Variants in FAP observed in about 807,000 individuals in gnomAD.
FAP encodes fibroblast activation protein alpha.
A neutral mutation model predicts 126.5 loss-of-function variants in FAP; 110 were observed. The ratio of observed to expected loss-of-function variants is 0.87; its 90% confidence interval spans 0.74 to 1.02. The LOEUF (loss-of-function observed/expected upper bound fraction) is 1.02. Ranked by LOEUF, FAP falls within the 50% of genes least tolerant of loss-of-function variation. FAP has a pLI of 0.00. For synonymous variants in FAP, 334 were observed against 297.3 expected, an observed-to-expected ratio of 1.12 and a Z score of -1.27; for missense variants, 919 against 909.2, an observed-to-expected ratio of 1.01 and a Z score of -0.14.
intron 2 of FAP, among the ~76,000 whole-genome samples, chr2:162,239,001 A>G (rs952383654): frequency 3.3e-5 from 5 of 152,168 alleles, no homozygotes; most frequent in African/African-American, 1.2e-4. Context: ...ATCACTACAT[A>G]TTATATATAT....
intron 9 of FAP, among the ~76,000 whole-genome samples, chr2:162,216,581 G>A (rs536355021): frequency 6.6e-6 from 1 of 152,194 alleles, no homozygotes; most frequent in East Asian, 1.9e-4. Context: ...TTCTTGTTTT[G>A]TGCTTTCTAT....
At chr2:162,215,362 T>C (rs1325906089) in intron 10 of FAP, among the ~76,000 whole-genome samples, 1 of 152,220 alleles carries the variant, frequency 6.6e-6, no homozygotes, top group Non-Finnish European at 1.5e-5. Context: ...CACTGTATTC[T>C]GGACTAGTCA....
chr2:162,242,587 G>A (rs1359571403), intron 2 of FAP, among the ~76,000 whole-genome samples: 1 of 152,058 alleles, frequency 6.6e-6, no homozygotes, highest in Non-Finnish European at 1.5e-5. Flanking sequence ...AGCAATGTTA[G>A]TTAAAAATGT....
intron 2 of FAP, among the ~76,000 whole-genome samples, chr2:162,234,997 G>A (rs564557807): frequency 3.9e-5 from 6 of 152,126 alleles, no homozygotes; most frequent in African/African-American, 9.7e-5. Context: ...CAGCAGCTGC[G>A]GAGGGCGAAC....
At position 162,219,838 on chromosome 2, in the gene FAP, A is replaced by C. The variant is rs1258483125; in HGVS notation, c.486+15T>G. The C allele has an allele frequency of 6.3e-7, 1 of 1,584,496 alleles. No homozygotes were observed. Among genetic ancestry groups the C allele is most frequent in the Non-Finnish European group, 8.7e-7 (1 of 1,155,234 alleles). ...TATTTACATGATTAAACACTTCAAA[A>C]ATTTAAACACTTACTAATTTACTCC... On this transcript the variant is annotated intron_variant, in intron 7 of 25. Transcript: ENST00000188790.
intron 9 of FAP, among the ~76,000 whole-genome samples, chr2:162,217,605 C>T (rs1350836397): frequency 6.6e-6 from 1 of 152,104 alleles, no homozygotes; most frequent in African/African-American, 2.4e-5. Flanking sequence ...ACATCAAATT[C>T]AGCATTTGTA....
intron 17 of FAP, among the ~76,000 whole-genome samples, chr2:162,192,086 T>C (rs536429178): frequency 6.6e-6 from 1 of 152,144 alleles, no homozygotes; most frequent in Non-Finnish European, 1.5e-5. Flanking sequence ...CATACTCAAA[T>C]GTTTATCCTC....
intron 9 of FAP, among the ~76,000 whole-genome samples, chr2:162,217,474 CA>C (rs1689197577): frequency 1.3e-5 from 2 of 152,082 alleles, no homozygotes; most frequent in Admixed American, 1.3e-4. Flanking sequence ...GTTAAATATC[CA>C]AAAACTATGG....
In FAP at chr2:162,217,997, G is replaced by T; in HGVS notation, c.751C>A (p.Pro251Thr). The change falls in exon 9 of 26, where the codon CCA becomes ACA. Residue 251 changes from proline (P) to threonine (T), a missense_variant. Physicochemically the swap from Pro to Thr is conservative, Grantham distance 38. Coordinates refer to ENST00000188790, the MANE Select transcript of FAP (RefSeq NM_004460.5). ...AGTATTCAACATACCTTTGGGTATGGAATATTTATTGTTCTAGGATATTGT... is the reference window on the plus strand; with the variant it reads ...AGTATTCAACATACCTTTGGGTATGTAATATTTATTGTTCTAGGATATTGT... ...DEQYPRTINI[P>T]YPKAGAKNPV... The T allele has an allele frequency of 6.4e-7, 1 of 1,572,998 alleles. No homozygotes were observed. Among genetic ancestry groups the T allele is most frequent in the Admixed American group, 1.9e-5 (1 of 53,578 alleles).
intron 16 of FAP, 156 bp downstream of exon 16, chr2:162,198,601 C>T (rs1688357861): frequency 2.0e-6 from 2 of 978,330 alleles, no homozygotes; most frequent in Admixed American, 2.8e-5. Flanking sequence ...TAATACCTTC[C>T]TATCCTCCTT....
intron 10 of FAP, among the ~76,000 whole-genome samples, chr2:162,214,810 T>C (rs1260920185): frequency 1.3e-5 from 2 of 152,082 alleles, no homozygotes; most frequent in African/African-American, 4.8e-5. Context: ...AACTCTTCTA[T>C]TTTTATATAA....
intron 2 of FAP, among the ~76,000 whole-genome samples, chr2:162,231,095 T>C (rs1240233125): frequency 6.6e-6 from 1 of 152,144 alleles, no homozygotes; most frequent in African/African-American, 2.4e-5. Context: ...ATATTCCCTT[T>C]CCCAGACCTG....
At position 162,233,756 on chromosome 2, in the gene FAP, C is replaced by A. The variant is rs559370038; in HGVS notation, c.92-7135G>T. ...AATTTATGTATGTTTTCTTTTGTTT[C>A]TTGCATTTTTGGTCATATCTTAGAA... is the stretch of plus-strand genomic sequence containing the variant. On this transcript the variant is annotated intron_variant, in intron 2 of 25. Coordinates refer to ENST00000188790, the MANE Select transcript of FAP (RefSeq NM_004460.5). Among the ~76,000 whole-genome samples the A allele has an allele frequency of 2.0e-5, 3 of 152,050 alleles. No individual in the cohort carries two copies. In the East Asian group the frequency reaches 5.8e-4, roughly 29 times the overall value.
Position 162,188,247 on chromosome 2 carries a change from A to G in FAP, c.1736T>C (p.Phe579Ser). Residue 579 changes from phenylalanine to serine, a missense_variant, in exon 20 of 26, where the codon TTC (phenylalanine) becomes TCC (serine). Transcript: ENST00000188790. The part of the protein sequence containing the change: ...IALVDGRGTA[F>S]QGDKLLYAVY... ...TGCATAGAGGAGTTTGTCACCTTGG[A>G]AAGCTGTTCCTCGACCATCCACCAA... The G allele has an allele frequency of 6.2e-7, 1 of 1,613,390 alleles. No homozygotes were observed. Among genetic ancestry groups the G allele is most frequent in the Non-Finnish European group, 8.5e-7 (1 of 1,179,506 alleles).
chr2:162,239,846 G>A (rs1690277852), intron 2 of FAP, among the ~76,000 whole-genome samples: 1 of 152,140 alleles, frequency 6.6e-6, no homozygotes, highest in South Asian at 2.1e-4. Flanking sequence ...AATGGTCCAG[G>A]TATTCAGAAA....
In FAP at chr2:162,226,555, GA is replaced by G; in HGVS notation, c.157del (p.Ser53LeufsTer24). 5 of 1,591,934 alleles carry G rather than the reference GA, an allele frequency of 3.1e-6. No homozygotes were observed. Among genetic ancestry groups the G allele is most frequent in the Non-Finnish European group, 3.4e-6 (4 of 1,166,464 alleles). On this transcript the variant is annotated frameshift_variant, in exon 3 of 26. Coordinates refer to ENST00000188790, the MANE Select transcript of FAP (RefSeq NM_004460.5). LOFTEE classifies it high-confidence loss of function. ...TLKDILNGTF[S>X]YKTFFPNWIS... ...CCAGTTTGGAAAAAATGTTTTATAA[GA>G]AAATGTTCCATTTAAAATATCCTTC...
At chr2:162,174,340 TAG>T (rs376183333) in intron 22 of FAP, among the ~76,000 whole-genome samples, 191 of 152,310 alleles carry the variant, frequency 1.3e-3, no homozygotes, top group African/African-American at 4.3e-3. Context: ...GTAAAATTAT[TAG>T]AGTTATTTTG....
At chr2:162,225,960 T>C (rs1298836568) in intron 3 of FAP, among the ~76,000 whole-genome samples, 1 of 152,208 alleles carries the variant, frequency 6.6e-6, no homozygotes, top group Non-Finnish European at 1.5e-5. Context: ...ATTAATTTTA[T>C]TTTCTAAAGA....
intron 21 of FAP, among the ~76,000 whole-genome samples, chr2:162,182,141 A>G (rs1687714985): frequency 6.6e-6 from 1 of 152,176 alleles, no homozygotes; most frequent in Non-Finnish European, 1.5e-5. Flanking sequence ...TTGGGTGATG[A>G]GTGGGTTTTT....
Sources: allele counts gnomAD v4.1 joint callset (sites outside exome capture counted in the v4.1 genomes callset), GRCh38; gene constraint gnomAD v4.1.1; transcripts MANE v1.5; gene names NCBI Gene and HGNC (gene_info 2026-07-23, HGNC 2026-07-21).